The following DENND4C variants were observed in gnomAD, a reference collection of about 807,000 sequenced individuals.
DENND4C encodes DENN domain containing 4C.
Under a neutral mutation model 203.0 loss-of-function variants are expected in DENND4C, and 108 were observed. The ratio of observed to expected loss-of-function variants is 0.53; its 90% CI spans 0.46 to 0.62. The LOEUF (loss-of-function observed/expected upper bound fraction) is 0.62, where lower values mean the gene tolerates loss of function less well. Ranked by LOEUF, DENND4C falls within the 20% of genes least tolerant of loss-of-function variation. The pLI is 0.00. For missense variants in DENND4C, 2,481 were observed against 2,301.2 expected, an observed-to-expected ratio of 1.08 and a Z score of -1.60; for synonymous variants, 871 against 792.4, an observed-to-expected ratio of 1.10 and a Z score of -1.67.
intron 6 of DENND4C, among the ~76,000 whole-genome samples, chr9:19,297,494 T>C (rs1837701798): frequency 6.6e-6 from 1 of 152,226 alleles, no homozygotes; most frequent in Admixed American, 6.5e-5. Flanking sequence ...TAGCAACCTT[T>C]TGAAAAATTA....
chr9:19,346,605 G>A lies in DENND4C; in HGVS notation c.3836G>A (p.Arg1279His), dbSNP rs1046400679. The change falls in exon 23 of 33, where the codon CGT (arginine) becomes CAT (histidine). Residue 1279 changes from arginine to histidine, a missense_variant. By Grantham distance (29) the Arg-to-His change is conservative. Transcript: ENST00000434457. ...EDKLFSPVIA[R>H]NLADEIESYM... ...AAGTTGTTTTCTCCAGTTATTGCAC[G>A]TAATCTGGCTGATGAAATAGAAAGC... The A allele has an allele frequency of 1.2e-5, 19 of 1,614,016 alleles. No homozygotes were observed. Among genetic ancestry groups the A allele is most frequent in the African/African-American group, 6.7e-5 (5 of 74,916 alleles).
intron 1 of DENND4C, among the ~76,000 whole-genome samples, chr9:19,272,588 A>T (rs1588804092): frequency 6.6e-6 from 1 of 152,008 alleles, no homozygotes; most frequent in Non-Finnish European, 1.5e-5. Context: ...GGTCCTTGAA[A>T]AATGGGATAT....
At position 19,305,355 on chromosome 9, in the gene DENND4C, A is replaced by G. The variant is rs1367167083; in HGVS notation, c.1315A>G (p.Ile439Val). 2 of 1,586,268 alleles carry G rather than the reference A, an allele frequency of 1.3e-6. No homozygotes were observed. The highest frequency in any genetic ancestry group is 1.7e-6 in the Non-Finnish European group (2 of 1,166,530). Residue 439 changes from isoleucine (I) to valine (V), a missense_variant, in exon 10 of 33, where the codon ATC becomes GTC. Physicochemically the swap from Ile to Val is conservative, Grantham distance 29. Transcript: ENST00000434457. ...TGVAEAVVAM[I>V]FPFQWQCPYI... ...TTTTTTAAAACTTTTTCCCCAGATG[A>G]TCTTTCCATTTCAGTGGCAATGCCC... is the stretch of plus-strand genomic sequence containing the variant.
intron 1 of DENND4C, among the ~76,000 whole-genome samples, chr9:19,238,453 C>CCTCCCT (rs1822606192): frequency 1.6e-5 from 1 of 63,698 alleles, no homozygotes; most frequent in African/African-American, 7.1e-5. Context: ...CTTTCCTTCC[C>CCTCCCT]CTCCCCTCCC....
At chr9:19,245,013 A>T (rs560837754) in intron 1 of DENND4C, among the ~76,000 whole-genome samples, 1 of 152,204 alleles carries the variant, frequency 6.6e-6, no homozygotes, top group African/African-American at 2.4e-5. Flanking sequence ...TGCAGATCGC[A>T]GGTTTCTTTT....
intron 1 of DENND4C, among the ~76,000 whole-genome samples, chr9:19,272,945 C>CTT (rs35973945): frequency 8.1e-4 from 70 of 86,582 alleles, no homozygotes; most frequent in Middle Eastern, 9.3e-3. Flanking sequence ...TTTTTGTATC[C>CTT]TTTTTTTTTT....
chr9:19,341,311 C>CTTTT (rs5896841), intron 21 of DENND4C, among the ~76,000 whole-genome samples, 197 bp downstream of exon 21: 53 of 120,100 alleles, frequency 4.4e-4, no homozygotes, highest in Non-Finnish European at 6.5e-4. Flanking sequence ...TTCTTTCTTT[C>CTTTT]TTTTTTTTTT....
In DENND4C at chr9:19,296,038, C is replaced by T; in HGVS notation, c.832C>T (p.Pro278Ser). The change falls in exon 6 of 33, where the codon CCT (proline) becomes TCT (serine). Residue 278 changes from proline (P) to serine (S), a missense_variant. Coordinates refer to ENST00000434457, the MANE Select transcript of DENND4C (RefSeq NM_001330640.2). ...VYGAAIQFYEPYSRELLSEKQ... is the reference protein window; with the variant it reads ...VYGAAIQFYESYSRELLSEKQ... ...TGGAGCTGCCATTCAGTTTTATGAACCTTACTCTCGGGAACTTCTATCAGA... is the reference window on the plus strand; with the variant it reads ...TGGAGCTGCCATTCAGTTTTATGAATCTTACTCTCGGGAACTTCTATCAGA... 6.2e-7 allele frequency: 1 copy of T among 1,613,974 alleles called. No individual in the cohort carries two copies. Among genetic ancestry groups the T allele is most frequent in the South Asian group, 1.1e-5 (1 of 91,076 alleles).
intron 12 of DENND4C, among the ~76,000 whole-genome samples, chr9:19,317,065 G>C (rs1476777082): frequency 6.6e-6 from 1 of 151,814 alleles, no homozygotes. Flanking sequence ...ATTATGAAAA[G>C]TCAAAGATGT....
intron 22 of DENND4C, among the ~76,000 whole-genome samples, chr9:19,344,557 C>T (rs117049324): frequency 0.011 from 1,609 of 152,262 alleles, 28 homozygotes; most frequent in East Asian, 0.015. Context: ...TGTAGTGGCA[C>T]AGTCATGGCT....
chr9:19,236,179 C>T (rs934114425), intron 1 of DENND4C, among the ~76,000 whole-genome samples: 3 of 151,634 alleles, frequency 2.0e-5, no homozygotes, highest in Non-Finnish European at 4.4e-5. Context: ...TTTCTATCTG[C>T]TAGGAATAAT....
chr9:19,237,137 C>T (rs1475344701), intron 1 of DENND4C, among the ~76,000 whole-genome samples: 1 of 152,116 alleles, frequency 6.6e-6, no homozygotes, highest in Non-Finnish European at 1.5e-5. Context: ...TCTCCTGCCT[C>T]AGCTTCCTGA....
chr9:19,250,829 A>G (rs1385874317), intron 1 of DENND4C, among the ~76,000 whole-genome samples: 1 of 152,194 alleles, frequency 6.6e-6, no homozygotes, highest in African/African-American at 2.4e-5. Context: ...CTGCTGCAAG[A>G]AGTGGGTTCC....
rs139679618 is a variant in DENND4C at position 19,339,877 on chromosome 9, C to T, written c.2882-1115C>T. Among the ~76,000 whole-genome samples, 1,280 of 152,138 alleles carry T rather than the reference C, an allele frequency of 8.4e-3. 8 individuals carry two copies. Among genetic ancestry groups the T allele is most frequent in the Middle Eastern group, 0.017 (5 of 292 alleles). ...TCTCTATTTTTTTCTTATTTATTATCAGTATGGACTGATGTACTCCTGTTT... is the reference window on the plus strand; with the variant it reads ...TCTCTATTTTTTTCTTATTTATTATTAGTATGGACTGATGTACTCCTGTTT... On this transcript the variant is annotated intron_variant, in intron 20 of 32. Transcript: ENST00000434457.
At chr9:19,366,117 T>C (rs1382841596) in intron 30 of DENND4C, among the ~76,000 whole-genome samples, 1 of 152,282 alleles carries the variant, frequency 6.6e-6, no homozygotes, top group Non-Finnish European at 1.5e-5. Flanking sequence ...ACGAAAACAA[T>C]CTTGAAAAAG....
At chr9:19,251,937 C>T (rs184655416) in intron 1 of DENND4C, among the ~76,000 whole-genome samples, 15 of 152,298 alleles carry the variant, frequency 9.8e-5, no homozygotes, top group Admixed American at 2.6e-4. Context: ...CCTTCTGAGC[C>T]CTCCAAACTG....
At chr9:19,253,725 T>C (rs537489464) in intron 1 of DENND4C, among the ~76,000 whole-genome samples, 2 of 152,376 alleles carry the variant, frequency 1.3e-5, no homozygotes, top group East Asian at 3.9e-4. Context: ...TTAGTTTTTT[T>C]TATCTTTTTT....
chr9:19,238,469 T>TCTCCC (rs1822644982), intron 1 of DENND4C, among the ~76,000 whole-genome samples: 1 of 8,936 alleles, frequency 1.1e-4, no homozygotes, highest in East Asian at 3.9e-3. Context: ...CTCCCCTCCC[T>TCTCCC]CTCCCCTCCC....
chr9:19,343,559 CTT>C (rs1325511925), intron 22 of DENND4C, among the ~76,000 whole-genome samples: 1 of 152,170 alleles, frequency 6.6e-6, no homozygotes, highest in Non-Finnish European at 1.5e-5. Context: ...TTCTTAAAGT[CTT>C]TTCTCTTTGT....
Sources: gnomAD v4.1 joint callset for allele counts (sites outside exome capture counted in the v4.1 genomes callset) on GRCh38, gnomAD v4.1.1 for gene constraint, MANE v1.5 for transcripts, NCBI Gene and HGNC (gene_info 2026-07-23, HGNC 2026-07-21) for gene names.